Variants in AMPH observed in about 807,000 individuals in gnomAD.
The protein encoded by AMPH is amphiphysin.
Under a neutral mutation model 99.1 loss-of-function variants are expected in AMPH, and 49 were observed. The ratio of observed to expected loss-of-function variants is 0.49; its 90% CI spans 0.39 to 0.63. The LOEUF (loss-of-function observed/expected upper bound fraction) is 0.63. AMPH is among the 20% of genes least tolerant of loss of function. The pLI is 0.00. For missense variants in AMPH, 759 were observed against 863.4 expected (o/e 0.88, Z 1.52); for synonymous variants, 314 against 317.3 (o/e 0.99, Z 0.11).
chr7:38,477,708 A>C (rs1788137310), intron 5 of AMPH, among the ~76,000 whole-genome samples: 1 of 151,976 alleles, frequency 6.6e-6, no homozygotes. Context: ...CAACAACAAC[A>C]ACCACAAAAA....
intron 11 of AMPH, among the ~76,000 whole-genome samples, chr7:38,442,393 G>A (rs1324351165): frequency 1.3e-5 from 2 of 152,048 alleles, no homozygotes; most frequent in Non-Finnish European, 2.9e-5. Flanking sequence ...TTTGTTTTAA[G>A]ACCCCATGTG....
chr7:38,521,512 C>T (rs1789962169), intron 2 of AMPH, among the ~76,000 whole-genome samples: 1 of 152,134 alleles, frequency 6.6e-6, no homozygotes, highest in Non-Finnish European at 1.5e-5. Context: ...CAGAGCAAGA[C>T]TCTGTCTCAA....
intron 2 of AMPH, among the ~76,000 whole-genome samples, chr7:38,519,972 A>G (rs1417676139): frequency 6.6e-6 from 1 of 152,094 alleles, no homozygotes; most frequent in Non-Finnish European, 1.5e-5. Flanking sequence ...GTGCCCATGA[A>G]CCCTCTGAAT....
intron 1 of AMPH, among the ~76,000 whole-genome samples, chr7:38,576,937 A>C (rs939962604): frequency 6.6e-6 from 1 of 152,170 alleles, no homozygotes; most frequent in African/African-American, 2.4e-5. Context: ...TGTTCCGAGA[A>C]ACCAAATGAA....
At chr7:38,594,441 G>C (rs1207530513) in intron 1 of AMPH, among the ~76,000 whole-genome samples, 1 of 152,162 alleles carries the variant, frequency 6.6e-6, no homozygotes, top group Non-Finnish European at 1.5e-5. Flanking sequence ...CCTGGTATCA[G>C]ACATTGTGCA....
intron 1 of AMPH, 116 bp from the exon 2 acceptor site, chr7:38,535,127 T>C: frequency 1.2e-6 from 1 of 802,462 alleles, no homozygotes; most frequent in Non-Finnish European, 2.0e-6. Flanking sequence ...AGCAAAACTA[T>C]CAGCACTTCT....
intron 1 of AMPH, among the ~76,000 whole-genome samples, chr7:38,591,931 C>A (rs1241971815): frequency 2.0e-5 from 3 of 152,172 alleles, no homozygotes; most frequent in African/African-American, 4.8e-5. Context: ...AAGACACACA[C>A]ACAGAAATAT....
intron 1 of AMPH, among the ~76,000 whole-genome samples, chr7:38,558,679 A>G (rs1791452657): frequency 6.6e-6 from 1 of 152,238 alleles, no homozygotes; most frequent in Non-Finnish European, 1.5e-5. Flanking sequence ...ATAAAACAAC[A>G]TGTTATGTAA....
chr7:38,499,792 C>T (rs972488048), intron 3 of AMPH, among the ~76,000 whole-genome samples: 1 of 152,180 alleles, frequency 6.6e-6, no homozygotes, highest in South Asian at 2.1e-4. Flanking sequence ...TGGGAGGGAC[C>T]TGGTGGGAAG....
At chr7:38,478,428 C>T (rs1437043451) in intron 5 of AMPH, among the ~76,000 whole-genome samples, 1 of 152,182 alleles carries the variant, frequency 6.6e-6, no homozygotes, top group Non-Finnish European at 1.5e-5. Context: ...AGACCCAATG[C>T]AGCTCAGGTC....
intron 5 of AMPH, among the ~76,000 whole-genome samples, chr7:38,482,800 C>A (rs374296217): frequency 6.6e-6 from 1 of 152,126 alleles, no homozygotes. Flanking sequence ...AATTTAACCT[C>A]TTCTGATTTC....
chr7:38,601,163 T>C (rs967557686), intron 1 of AMPH, among the ~76,000 whole-genome samples: 1 of 152,128 alleles, frequency 6.6e-6, no homozygotes, highest in Admixed American at 6.5e-5. Flanking sequence ...CCTTCTGTAA[T>C]AGAAATCAAG....
At chr7:38,464,065 A>G (rs1294197532) in intron 9 of AMPH, 8 of 1,289,588 alleles carry the variant, frequency 6.2e-6, no homozygotes, top group Non-Finnish European at 8.1e-6. Flanking sequence ...TAAGCTTAAT[A>G]GAGATGCCAC....
chr7:38,545,217 A>G (rs1442331463), intron 1 of AMPH, among the ~76,000 whole-genome samples: 1 of 152,168 alleles, frequency 6.6e-6, no homozygotes, highest in African/African-American at 2.4e-5. Flanking sequence ...CTTTTGTAGC[A>G]GCAGGAAATG....
chr7:38,582,695 A>G (rs753425595), intron 1 of AMPH, among the ~76,000 whole-genome samples: 168 of 152,326 alleles, frequency 1.1e-3, no homozygotes, highest in Non-Finnish European at 1.4e-3. Flanking sequence ...CTGAGATCAA[A>G]AAGTTTGAGA....
intron 17 of AMPH, among the ~76,000 whole-genome samples, chr7:38,407,897 T>C (rs1347911816): frequency 6.6e-6 from 1 of 152,218 alleles, no homozygotes; most frequent in Non-Finnish European, 1.5e-5. Context: ...AGCAGGTTTC[T>C]GCTTGACAGT....
chr7:38,552,456 C>T (rs1297439587), intron 1 of AMPH, among the ~76,000 whole-genome samples: 3 of 152,086 alleles, frequency 2.0e-5, no homozygotes, highest in African/African-American at 4.8e-5. Context: ...TATACAACAC[C>T]CAGAAGTAAG....
At chr7:38,599,301 C>T (rs143068826) in intron 1 of AMPH, among the ~76,000 whole-genome samples, 10 of 152,312 alleles carry the variant, frequency 6.6e-5, no homozygotes, top group African/African-American at 2.2e-4. Context: ...ACCTATAGGA[C>T]AGTAGGACCA....
intron 11 of AMPH, among the ~76,000 whole-genome samples, chr7:38,441,373 T>C (rs1481892761): frequency 6.6e-6 from 1 of 152,168 alleles, no homozygotes; most frequent in Non-Finnish European, 1.5e-5. Context: ...TGTGACTAAA[T>C]TTGACCTAAT....
Sources: allele counts gnomAD v4.1 joint callset (sites outside exome capture counted in the v4.1 genomes callset), GRCh38; gene constraint gnomAD v4.1.1; transcripts MANE v1.5; gene names NCBI Gene and HGNC (gene_info 2026-07-23, HGNC 2026-07-21).